The following ACACB variants were observed in gnomAD, a reference collection of about 807,000 sequenced individuals.
The protein encoded by ACACB is acetyl-CoA carboxylase beta.
Under a neutral mutation model 278.8 loss-of-function variants are expected in ACACB, and 209 were observed. The ratio of observed to expected loss-of-function variants is 0.75; its 90% confidence interval spans 0.67 to 0.84. ACACB has a LOEUF of 0.84. ACACB is among the 40% of genes least tolerant of loss of function. The pLI, the probability that ACACB is intolerant of heterozygous loss-of-function variation, is 0.00. For synonymous variants in ACACB, 1,174 were observed against 1,285.6 expected, an observed-to-expected ratio of 0.91 and a Z score of 1.86; for missense variants, 2,850 against 3,269.0, an observed-to-expected ratio of 0.87 and a Z score of 3.13.
At chr12:109,210,087 A>G (rs1255868420) in intron 21 of ACACB, among the ~76,000 whole-genome samples, 1 of 127,890 alleles carries the variant, frequency 7.8e-6, no homozygotes, top group African/African-American at 3.2e-5. Context: ...ATATGTATAT[A>G]TACACACATG....
At chr12:109,235,431 T>C in intron 32 of ACACB, 62 bp downstream of exon 32, 2 of 1,529,496 alleles carry the variant, frequency 1.3e-6, no homozygotes, top group East Asian at 2.3e-5. Flanking sequence ...GTGTGCCATT[T>C]ATTTGATATT....
At chr12:109,137,804 T>G (rs1342265788) in intron 1 of ACACB, among the ~76,000 whole-genome samples, 1 of 152,154 alleles carries the variant, frequency 6.6e-6, no homozygotes, top group Non-Finnish European at 1.5e-5. Context: ...AAATTTTTTT[T>G]GAAATAGGGT....
chr12:109,169,357 A>G (rs2044029935), intron 4 of ACACB, among the ~76,000 whole-genome samples: 1 of 152,162 alleles, frequency 6.6e-6, no homozygotes, highest in Non-Finnish European at 1.5e-5. Context: ...GTCGAGGCAC[A>G]GGGATGTGAA....
At chr12:109,143,826 C>T (rs1482865095) in intron 2 of ACACB, among the ~76,000 whole-genome samples, 1 of 152,070 alleles carries the variant, frequency 6.6e-6, no homozygotes, top group East Asian at 1.9e-4. Flanking sequence ...TGGTGTTTGA[C>T]TGGATGAAAA....
chr12:109,166,601 G>A (rs1394811042), intron 2 of ACACB, among the ~76,000 whole-genome samples: 2 of 122,522 alleles, frequency 1.6e-5, no homozygotes, highest in Admixed American at 1.1e-4. Context: ...AGCGAGCCAC[G>A]ATTGCACCAC....
Position 109,237,082 on chromosome 12 carries a change from AG to A in ACACB, c.4447-80del, listed in dbSNP as rs2046650948. The stretch of plus-strand genomic sequence containing the variant: ...CATGGACACCAGGGGTCTGCAGAGT[AG>A]GGTGTGGACCAAGCAGGGACGCAGC... On this transcript the variant is annotated intron_variant, in intron 33 of 52. Transcript: ENST00000338432. 8.7e-6 allele frequency: 12 copies of A among 1,378,558 alleles called. No homozygotes were observed. The South Asian group carries it at 1.4e-4, about 16-fold the overall frequency. 85.4% of individuals were successfully genotyped at this position (1,378,558 alleles called of 1,614,324 possible). A position where few individuals can be genotyped will look rare whatever the true frequency, so the allele number is the denominator to read the frequency against.
chr12:109,223,662 T>G (rs1422517948), intron 26 of ACACB, among the ~76,000 whole-genome samples, 153 bp from the exon 27 acceptor site: 1 of 152,134 alleles, frequency 6.6e-6, no homozygotes, highest in African/African-American at 2.4e-5. Flanking sequence ...CTCAAGAGGT[T>G]GAGGTGGGGA....
intron 20 of ACACB, among the ~76,000 whole-genome samples, chr12:109,208,397 G>C (rs143306128): frequency 6.6e-6 from 1 of 151,810 alleles, no homozygotes; most frequent in African/African-American, 2.4e-5. Context: ...TTGTAGAGAC[G>C]GGGTCTCGCC....
rs776208578 is a variant in ACACB at position 109,258,320 on chromosome 12, G to A, written c.6316G>A (p.Val2106Met). The change falls in exon 46 of 53, where the codon GTG becomes ATG. Residue 2106 changes from valine to methionine, a missense_variant. Around this residue, in one of 3 missense-constraint regions of ACACB, gnomAD observed 579 missense variants for 684.6 expected, o/e 0.85. Transcript: ENST00000338432. ...VIAVETRTVEVAVPADPANLD... is the reference protein window; with the variant it reads ...VIAVETRTVEMAVPADPANLD... ...TGCTGTGGAGACACGGACTGTGGAG[G>A]TGGCAGTCCCTGCAGACCCTGCCAA... 1.4e-5 allele frequency: 22 copies of A among 1,612,566 alleles called. No homozygotes were observed. In the East Asian group the frequency reaches 4.5e-4, roughly 33 times the overall value.
At chr12:109,208,922 A>G (rs1565923424) in intron 20 of ACACB, among the ~76,000 whole-genome samples, 1 of 152,196 alleles carries the variant, frequency 6.6e-6, no homozygotes, top group Non-Finnish European at 1.5e-5. Flanking sequence ...CCCCCACACC[A>G]TGCTGGCTTT....
intron 1 of ACACB, among the ~76,000 whole-genome samples, chr12:109,130,566 A>G (rs1411508714): frequency 6.6e-6 from 1 of 152,126 alleles, no homozygotes; most frequent in Non-Finnish European, 1.5e-5. Context: ...ACACAAGCAC[A>G]CTGGACTCGA....
chr12:109,213,207 G>T (rs1196812096), intron 22 of ACACB, among the ~76,000 whole-genome samples: 1 of 152,164 alleles, frequency 6.6e-6, no homozygotes, highest in Admixed American at 6.5e-5. Flanking sequence ...GGGATTACGG[G>T]CATGTGCCAC....
chr12:109,169,246 A>G (rs246092), intron 4 of ACACB, among the ~76,000 whole-genome samples: 117,408 of 151,868 alleles, frequency 0.77, 46,930 homozygotes, highest in Middle Eastern at 0.89. Flanking sequence ...GCTGTTCCCA[A>G]TATTAGCAAC....
chr12:109,116,405 G>A (rs2042404707), upstream of ACACB, among the ~76,000 whole-genome samples: 2 of 152,218 alleles, frequency 1.3e-5, no homozygotes, highest in Non-Finnish European at 1.5e-5. Flanking sequence ...AATAAAGCGA[G>A]TTATGGGATT....
intron 21 of ACACB, among the ~76,000 whole-genome samples, chr12:109,210,580 T>C (rs1189051357): frequency 6.7e-6 from 1 of 149,070 alleles, no homozygotes; most frequent in African/African-American, 2.4e-5. Context: ...TGTGTGTATA[T>C]ACATATAAAC....
rs763690194 is a variant in ACACB, at chr12:109,247,645, A to C, written c.5611A>C (p.Arg1871=). ...GTACCTGACTCCCCAAGACTACACCAGAATCAGCTCCCTGAACTCCGTCCA... is the reference window on the plus strand; with the variant it reads ...GTACCTGACTCCCCAAGACTACACCCGAATCAGCTCCCTGAACTCCGTCCA... ...YLYLTPQDYT[R]ISSLNSVHCK... is the part of the protein sequence containing the mutation. Residue 1871 remains arginine (R), a synonymous_variant, in exon 40 of 53, where the codon AGA becomes CGA. Transcript: ENST00000338432. 1 of 1,614,046 alleles carries C rather than the reference A, an allele frequency of 6.2e-7. No homozygotes were observed. Among genetic ancestry groups the C allele is most frequent in the Non-Finnish European group, 8.5e-7 (1 of 1,179,982 alleles).
chr12:109,227,554 T>C, intron 28 of ACACB, 65 bp downstream of exon 28: 1 of 1,489,596 alleles, frequency 6.7e-7, no homozygotes, highest in Non-Finnish European at 9.3e-7. Context: ...TGTCGTCCTG[T>C]CTCTGGAAGG....
chr12:109,215,045 G>C (rs1020577965), intron 22 of ACACB, among the ~76,000 whole-genome samples: 7 of 151,712 alleles, frequency 4.6e-5, no homozygotes, highest in Admixed American at 4.6e-4. Flanking sequence ...ACAGTGAGCT[G>C]TGATTGCACC....
chr12:109,170,116 G>GT (rs1392221511), intron 4 of ACACB, among the ~76,000 whole-genome samples: 1 of 151,678 alleles, frequency 6.6e-6, no homozygotes, highest in Non-Finnish European at 1.5e-5. Flanking sequence ...TTGTTTGTTT[G>GT]TTGTTGCTTT....
Sources: allele counts gnomAD v4.1 joint callset (sites outside exome capture counted in the v4.1 genomes callset), GRCh38; gene constraint gnomAD v4.1.1; regional missense constraint gnomAD v4.1.1; transcripts MANE v1.5; gene names NCBI Gene and HGNC (gene_info 2026-07-23, HGNC 2026-07-21).